The following STK3 variants were observed in gnomAD, a reference collection of about 807,000 sequenced individuals.
STK3 encodes serine/threonine-protein kinase 3.
STK3 carries 41 observed loss-of-function variants against 58.0 expected under a neutral mutation model. That is an observed-to-expected ratio of 0.71 (90% CI 0.55 to 0.92). The LOEUF is 0.92. Ranked by LOEUF, STK3 falls within the 40% of genes least tolerant of loss-of-function variation. The pLI, the probability that STK3 is intolerant of heterozygous loss-of-function variation, is 0.00. For synonymous variants in STK3, 170 were observed against 191.0 expected (o/e 0.89, Z 0.91); for missense variants, 479 against 602.7 (o/e 0.79, Z 2.15).
intron 6 of STK3, 65 bp downstream of exon 6, chr8:98,706,402 T>G (rs1049445265): frequency 6.9e-7 from 1 of 1,443,078 alleles, no homozygotes; most frequent in Non-Finnish European, 9.2e-7. Flanking sequence ...TTTACTTACA[T>G]TGACATTACA....
chr8:98,383,862 C>T (rs2131004342), intron 1 of STK3, among the ~76,000 whole-genome samples: 1 of 152,318 alleles, frequency 6.6e-6, no homozygotes. Context: ...TTTGAATGAT[C>T]AGTGCAGATG....
At chr8:98,579,503 GAT>G (rs2131726266) in intron 8 of STK3, among the ~76,000 whole-genome samples, 159 bp downstream of exon 8, 1 of 152,114 alleles carries the variant, frequency 6.6e-6, no homozygotes, top group South Asian at 2.1e-4. Context: ...ATCAGAAAAA[GAT>G]AGCAAACATA....
chr8:98,886,008 T>G (rs911300944), intron 1 of STK3, among the ~76,000 whole-genome samples: 2 of 152,186 alleles, frequency 1.3e-5, no homozygotes, highest in African/African-American at 4.8e-5. Flanking sequence ...AATGACCAGA[T>G]GATAGACATA....
downstream of STK3, among the ~76,000 whole-genome samples, chr8:98,453,905 T>A (rs142616665): frequency 3.6e-3 from 553 of 152,296 alleles, 2 homozygotes; most frequent in African/African-American, 0.013. Flanking sequence ...GCAGGGTGTT[T>A]CAGTTGATCA....
chr8:98,932,901 G>A (rs772274347), intron 1 of STK3, among the ~76,000 whole-genome samples: 190 of 152,288 alleles, frequency 1.2e-3, no homozygotes, highest in Non-Finnish European at 1.8e-3. Flanking sequence ...CTGTTACCTG[G>A]TCATAAGAGA....
At chr8:98,867,277 G>A (rs1024432154) in intron 3 of STK3, among the ~76,000 whole-genome samples, 11 of 152,158 alleles carry the variant, frequency 7.2e-5, no homozygotes, top group African/African-American at 2.2e-4. Context: ...TTAGTTGGGC[G>A]TGGTGGCGCA....
At chr8:98,569,947 A>C (rs1402003616) in intron 8 of STK3, among the ~76,000 whole-genome samples, 1 of 149,956 alleles carries the variant, frequency 6.7e-6, no homozygotes, top group African/African-American at 2.4e-5. Context: ...GTATATTTAT[A>C]CACATTTTCA....
intron 6 of STK3, among the ~76,000 whole-genome samples, chr8:98,667,354 G>A (rs921287625): frequency 2.0e-5 from 3 of 152,042 alleles, no homozygotes; most frequent in South Asian, 2.1e-4. Flanking sequence ...CAGTGTTGCC[G>A]GGGGAACAAA....
chr8:98,757,437 T>C (rs992917400), intron 3 of STK3, among the ~76,000 whole-genome samples: 1 of 149,596 alleles, frequency 6.7e-6, no homozygotes, highest in Non-Finnish European at 1.5e-5. Flanking sequence ...CTACTAAAGA[T>C]ATAAAAAATT....
At chr8:98,588,743 C>T (rs1398150058) in intron 7 of STK3, among the ~76,000 whole-genome samples, 1 of 151,658 alleles carries the variant, frequency 6.6e-6, no homozygotes, top group Non-Finnish European at 1.5e-5. Flanking sequence ...ACCAATTAGA[C>T]GTAGATTTGG....
At chr8:98,440,520 CCT>C (rs1472011861) in intron 1 of STK3, among the ~76,000 whole-genome samples, 2 of 152,058 alleles carry the variant, frequency 1.3e-5, no homozygotes, top group Non-Finnish European at 2.9e-5. Context: ...TCCCCAATCC[CCT>C]GTCCCTGGTT....
At chr8:98,429,161 C>A in intron 3 of STK3, 1 of 1,613,656 alleles carries the variant, frequency 6.2e-7, no homozygotes, top group Non-Finnish European at 8.5e-7. Flanking sequence ...CCTCTGCCTG[C>A]ATCTTGGCAG....
At chr8:98,796,882 T>C (rs1326655385) in intron 1 of STK3, among the ~76,000 whole-genome samples, 1 of 152,100 alleles carries the variant, frequency 6.6e-6, no homozygotes, top group African/African-American at 2.4e-5. Context: ...ATAAGAGAAA[T>C]GCAAATCAAA....
intron 1 of STK3, among the ~76,000 whole-genome samples, chr8:98,922,887 T>A (rs1839622894): frequency 6.6e-6 from 1 of 152,242 alleles, no homozygotes; most frequent in South Asian, 2.1e-4. Context: ...GAAAAGTAAC[T>A]TCCTCTATTT....
intron 10 of STK3, among the ~76,000 whole-genome samples, chr8:98,461,957 A>T (rs1820016072): frequency 3.4e-5 from 1 of 29,128 alleles, no homozygotes; most frequent in South Asian, 2.0e-3. Flanking sequence ...TTTTTTAATT[A>T]AAACACTTTT....
intron 1 of STK3, among the ~76,000 whole-genome samples, chr8:98,939,098 G>A (rs1587875849): frequency 6.6e-6 from 1 of 152,164 alleles, no homozygotes; most frequent in Admixed American, 6.5e-5. Flanking sequence ...GTACTTGAAG[G>A]TGCCTTTGGA....
At chr8:98,916,727 G>A (rs558826622) in intron 1 of STK3, among the ~76,000 whole-genome samples, 5 of 152,324 alleles carry the variant, frequency 3.3e-5, no homozygotes, top group South Asian at 4.1e-4. Context: ...TGGGGATATA[G>A]CATTAAATCA....
intron 10 of STK3, among the ~76,000 whole-genome samples, chr8:98,500,899 A>G (rs1291770868): frequency 1.3e-5 from 2 of 152,196 alleles, no homozygotes; most frequent in African/African-American, 4.8e-5. Flanking sequence ...TAGTAGCATG[A>G]TTTATAATCC....
intron 10 of STK3, among the ~76,000 whole-genome samples, chr8:98,464,540 T>TG (rs71572015): frequency 1.4e-5 from 1 of 69,228 alleles, no homozygotes; most frequent in Non-Finnish European, 2.6e-5. Context: ...TACTTAAAGT[T>TG]AAAAAAAAAA....
Sources: allele counts gnomAD v4.1 joint callset (sites outside exome capture counted in the v4.1 genomes callset), GRCh38; gene constraint gnomAD v4.1.1; transcripts MANE v1.5; gene names NCBI Gene and HGNC (gene_info 2026-07-23, HGNC 2026-07-21).